Variants in ROR2 observed in about 807,000 individuals in gnomAD.
The protein encoded by ROR2 is tyrosine-protein kinase transmembrane receptor ROR2.
ROR2 carries 33 observed loss-of-function variants against 74.9 expected under a neutral mutation model. The ratio of observed to expected loss-of-function variants is 0.44; its 90% CI spans 0.33 to 0.59. The LOEUF (loss-of-function observed/expected upper bound fraction) is 0.59, where lower values mean the gene tolerates loss of function less well. ROR2 is among the 20% of genes least tolerant of loss of function. The probability of loss-of-function intolerance (pLI) is 0.02; values close to 1 mark genes in which losing one functional copy is unlikely to be tolerated. For missense variants in ROR2, 1,216 were observed against 1,313.8 expected (o/e 0.93, Z 1.15); for synonymous variants, 586 against 558.7 (o/e 1.05, Z -0.69).
intron 7 of ROR2, among the ~76,000 whole-genome samples, chr9:91,727,141 C>T (rs544943950): frequency 2.8e-4 from 43 of 152,332 alleles, no homozygotes; most frequent in Non-Finnish European, 4.4e-4. Context: ...ATGAAATTCA[C>T]TGGAGACCCT....
chr9:91,775,940 AG>A (rs1374369288), intron 1 of ROR2, 122 bp from the exon 2 acceptor site: 19 of 787,886 alleles, frequency 2.4e-5, no homozygotes, highest in Non-Finnish European at 4.0e-5. Flanking sequence ...GAAAACACAG[AG>A]GGATAAGACA....
intron 1 of ROR2, among the ~76,000 whole-genome samples, chr9:91,915,801 G>A (rs907189563): frequency 6.6e-6 from 1 of 152,186 alleles, no homozygotes; most frequent in Non-Finnish European, 1.5e-5. Context: ...CAAACCTCTA[G>A]CTAGACGCAG....
chr9:91,800,369 T>A (rs547040063), intron 1 of ROR2, among the ~76,000 whole-genome samples: 1 of 141,086 alleles, frequency 7.1e-6, no homozygotes, highest in African/African-American at 3.0e-5. Flanking sequence ...AGAGAGAGAA[T>A]AATACCAGTG....
intron 1 of ROR2, among the ~76,000 whole-genome samples, chr9:91,934,621 T>C (rs1266195670): frequency 1.3e-5 from 2 of 152,212 alleles, no homozygotes; most frequent in African/African-American, 2.4e-5. Context: ...GCTTTATTTT[T>C]AAACAGCTGA....
In ROR2 at chr9:91,751,705, TACTC is replaced by T. The variant is rs1379025036; in HGVS notation, c.494+4362_494+4365del. ...TAGATATTTTTAATAACATACTTAATACTCAATCTCACAGATGAGTCAAGAAATG... is the reference window on the plus strand; with the variant it reads ...TAGATATTTTTAATAACATACTTAATAATCTCACAGATGAGTCAAGAAATG... On this transcript the variant is annotated intron_variant, in intron 4 of 8. Coordinates refer to ENST00000375708, the MANE Select transcript of ROR2 (RefSeq NM_004560.4). Among the ~76,000 whole-genome samples, 16 of 148,298 alleles carry T rather than the reference TACTC, an allele frequency of 1.1e-4. No homozygotes were observed. In the East Asian group the frequency reaches 2.1e-3, roughly 20 times the overall value.
chr9:91,910,132 T>C (rs1830937565), intron 1 of ROR2, among the ~76,000 whole-genome samples: 1 of 152,128 alleles, frequency 6.6e-6, no homozygotes, highest in Non-Finnish European at 1.5e-5. Context: ...AGTGCTGGGA[T>C]TACAGGCGTG....
chr9:91,856,592 G>C (rs1314499376), intron 1 of ROR2, among the ~76,000 whole-genome samples: 3 of 152,176 alleles, frequency 2.0e-5, no homozygotes, highest in Non-Finnish European at 4.4e-5. Flanking sequence ...ATGAGTCAGG[G>C]AGAGGACAGC....
chr9:91,949,895 C>T lies in ROR2; in HGVS notation c.69G>A (p.Ala23=), dbSNP rs1390308175. 3 of 1,540,798 alleles carry T rather than the reference C, an allele frequency of 1.9e-6. No homozygotes were observed. The highest frequency in any genetic ancestry group is 1.8e-4 in the Middle Eastern group (1 of 5,412). Residue 23 remains alanine (A), a synonymous_variant, in exon 1 of 9, where the codon GCG becomes GCA. Transcript: ENST00000375708. The part of the protein sequence containing the change: ...LCIPAVWAAA[A]LLLSVSRTSG... ...AAGTCCGGGACACTGAGAGCAGAAGCGCGGCGGCCGCCCAGACGGCCGGGA... is the reference window on the plus strand; with the variant it reads ...AAGTCCGGGACACTGAGAGCAGAAGTGCGGCGGCCGCCCAGACGGCCGGGA...
At chr9:91,803,811 C>T (rs1410890039) in intron 1 of ROR2, among the ~76,000 whole-genome samples, 1 of 152,234 alleles carries the variant, frequency 6.6e-6, no homozygotes, top group Non-Finnish European at 1.5e-5. Flanking sequence ...ACAGCTTATA[C>T]TTTCCAGGGA....
chr9:91,752,733 TGAA>T (rs1387039203), intron 4 of ROR2, among the ~76,000 whole-genome samples: 3 of 152,182 alleles, frequency 2.0e-5, no homozygotes, highest in South Asian at 2.1e-4. Context: ...AAATTTTAAC[TGAA>T]GAAGGAGGAG....
chr9:91,923,891 G>C (rs1305857125), intron 1 of ROR2: 1 of 152,278 alleles, frequency 6.6e-6, no homozygotes, highest in East Asian at 1.9e-4. Flanking sequence ...TCGTTCTTCA[G>C]GTGGCAGAAG....
intron 1 of ROR2, chr9:91,948,524 T>G (rs1832071717): frequency 1.0e-6 from 1 of 965,342 alleles, no homozygotes; most frequent in African/African-American, 1.8e-5. Context: ...ATCAAGTAAT[T>G]AGGAATGTCT....
intron 1 of ROR2, among the ~76,000 whole-genome samples, chr9:91,871,342 C>T (rs1829791022): frequency 6.6e-6 from 1 of 152,152 alleles, no homozygotes; most frequent in Admixed American, 6.5e-5. Flanking sequence ...CCTCATCTTG[C>T]CATGGATTGG....
chr9:91,904,912 C>T (rs113003280), intron 1 of ROR2, among the ~76,000 whole-genome samples: 36 of 152,100 alleles, frequency 2.4e-4, no homozygotes, highest in Non-Finnish European at 2.5e-4. Context: ...CACACGTGTG[C>T]GCACACACAC....
At position 91,724,306 on chromosome 9, in the gene ROR2, TC is replaced by T; in HGVS notation, c.2187del (p.Trp729Ter). 6.2e-7 allele frequency: 1 copy of T among 1,613,154 alleles called. No homozygotes were observed. Reference protein sequence around the residue: ...AWVYALMIECWNEFPSRRPRF... With the variant: ...AWVYALMIECXNEFPSRRPRF... ...CGGGGCCGCCGGCTGGGGAACTCGT[TC>T]CAGCACTCGATCATGAGGGCATACA... On this transcript the variant is annotated frameshift_variant, in exon 9 of 9. Coordinates refer to ENST00000375708, the MANE Select transcript of ROR2 (RefSeq NM_004560.4). LOFTEE classifies it high-confidence loss of function.
rs913765575 is a variant in ROR2, at chr9:91,779,548, T to G, written c.98-3730A>C. On this transcript the variant is annotated intron_variant, in intron 1 of 8. Coordinates refer to ENST00000375708, the MANE Select transcript of ROR2 (RefSeq NM_004560.4). ...ACCACGCCCGGCTAATTTTTGTATT[T>G]TTAGTAGAGGTAGTGTTTCACCATG... 4.6e-5 allele frequency among the ~76,000 whole-genome samples: 7 copies of G among 152,094 alleles called. No homozygotes were observed. In the South Asian group the frequency reaches 1.5e-3, roughly 32 times the overall value.
chr9:91,800,751 G>A (rs564700325), intron 1 of ROR2, among the ~76,000 whole-genome samples: 4 of 152,362 alleles, frequency 2.6e-5, no homozygotes, highest in East Asian at 1.9e-4. Context: ...CGGGCTTCAC[G>A]TGTAGTTACG....
Position 91,890,859 on chromosome 9 carries a change from A to G in ROR2, c.97+59008T>C, listed in dbSNP as rs546935747. On this transcript the variant is annotated intron_variant, in intron 1 of 8. Transcript: ENST00000375708. Reference sequence around the variant, plus strand: ...GGAGTTAACTAGGCCTATTTTGCTAATGTCAGCAAAGAATGCTGACATTTA... The same window carrying G: ...GGAGTTAACTAGGCCTATTTTGCTAGTGTCAGCAAAGAATGCTGACATTTA... Among the ~76,000 whole-genome samples the G allele has an allele frequency of 9.2e-5, 14 of 152,346 alleles. No individual in the cohort carries two copies. The East Asian group carries it at 2.5e-3, about 27-fold the overall frequency.
At chr9:91,862,534 T>C (rs1170943214) in intron 1 of ROR2, among the ~76,000 whole-genome samples, 1 of 151,874 alleles carries the variant, frequency 6.6e-6, no homozygotes, top group Non-Finnish European at 1.5e-5. Flanking sequence ...TGGTGGCACA[T>C]GCCAGTAGTC....
Sources: gnomAD v4.1 joint callset for allele counts (sites outside exome capture counted in the v4.1 genomes callset) on GRCh38, gnomAD v4.1.1 for gene constraint, MANE v1.5 for transcripts, NCBI Gene and HGNC (gene_info 2026-07-23, HGNC 2026-07-21) for gene names.